Variants in RANBP2 observed in about 807,000 individuals in gnomAD.
RANBP2 encodes the protein E3 SUMO-protein ligase RanBP2.
A neutral mutation model predicts 303.6 loss-of-function variants in RANBP2; 57 were observed. The observed-to-expected ratio is 0.19, with a 90% confidence interval of 0.15 to 0.23. The LOEUF is 0.23. Ranked by LOEUF, RANBP2 falls within the 10% of genes least tolerant of loss-of-function variation. The pLI is 1.00. For missense variants in RANBP2, 3,138 were observed against 3,780.8 expected (o/e 0.83, Z 4.46); for synonymous variants, 1,167 against 1,301.5 (o/e 0.90, Z 2.23).
the RANBP2 span, among the ~76,000 whole-genome samples, chr2:109,701,155 C>T: frequency 7.2e-5 from 11 of 152,196 alleles, no homozygotes; most frequent in South Asian, 2.1e-4. Context: ...TGCAAGCACA[C>T]GAGCCCAAAC....
chr2:109,039,413 C>T, the RANBP2 span, among the ~76,000 whole-genome samples: 37 of 152,246 alleles, frequency 2.4e-4, no homozygotes, highest in African/African-American at 6.5e-4. Flanking sequence ...TGCAGCAGCG[C>T]GATCTCAGTT....
At chr2:109,094,427 A>G in the RANBP2 span, among the ~76,000 whole-genome samples, 2 of 152,146 alleles carry the variant, frequency 1.3e-5, no homozygotes, top group Non-Finnish European at 2.9e-5. Flanking sequence ...TGTTCCTCCA[A>G]GGGCTCCACC....
the RANBP2 span, among the ~76,000 whole-genome samples, chr2:109,068,652 A>G: frequency 2.6e-5 from 4 of 152,082 alleles, no homozygotes; most frequent in Non-Finnish European, 5.9e-5. Context: ...AACAGAGGGG[A>G]AGAGTGTTGG....
chr2:109,347,756 A>C, the RANBP2 span: 15 of 1,613,940 alleles, frequency 9.3e-6, no homozygotes, highest in Non-Finnish European at 1.3e-5. Flanking sequence ...AACAAGGGGG[A>C]CATCATCGTC....
chr2:109,247,561 G>A, the RANBP2 span, among the ~76,000 whole-genome samples: 606 of 152,332 alleles, frequency 4.0e-3, 5 homozygotes, highest in African/African-American at 0.014. Flanking sequence ...TTCCTGTGCA[G>A]AAACTCTTGC....
the RANBP2 span, among the ~76,000 whole-genome samples, chr2:109,423,861 C>T: frequency 6.6e-6 from 1 of 152,192 alleles, no homozygotes; most frequent in Non-Finnish European, 1.5e-5. Flanking sequence ...CCCCTGCCGC[C>T]TGCACCTCTA....
chr2:109,561,582 G>C, the RANBP2 span, among the ~76,000 whole-genome samples: 1 of 152,032 alleles, frequency 6.6e-6, no homozygotes, highest in Non-Finnish European at 1.5e-5. Context: ...CTTCTCCCTA[G>C]CTCCAGATTC....
At chr2:108,989,987 G>A in the RANBP2 span, among the ~76,000 whole-genome samples, 1 of 152,122 alleles carries the variant, frequency 6.6e-6, no homozygotes, top group South Asian at 2.1e-4. Flanking sequence ...ACTCACACAT[G>A]AGAAAGTAAG....
At chr2:109,608,266 A>G in the RANBP2 span, among the ~76,000 whole-genome samples, 2 of 152,214 alleles carry the variant, frequency 1.3e-5, no homozygotes, top group Non-Finnish European at 2.9e-5. Context: ...AGACTGGGAT[A>G]CAGTTTTCTC....
At chr2:108,833,894 A>ATTTT in the RANBP2 span, among the ~76,000 whole-genome samples, 582 of 79,176 alleles carry the variant, frequency 7.4e-3, 8 homozygotes, top group African/African-American at 0.028. Context: ...CGCCCGGCTA[A>ATTTT]TTTTTTTTTT....
the RANBP2 span, among the ~76,000 whole-genome samples, chr2:109,524,719 T>C: frequency 6.6e-6 from 1 of 151,840 alleles, no homozygotes; most frequent in Non-Finnish European, 1.5e-5. Context: ...CACTCCATCC[T>C]GGGTGACAGA....
the RANBP2 span, among the ~76,000 whole-genome samples, chr2:109,696,821 A>T: frequency 6.6e-6 from 1 of 152,124 alleles, no homozygotes; most frequent in African/African-American, 2.4e-5. Flanking sequence ...TCTGTCACTC[A>T]GGCTGGAGTA....
the RANBP2 span, among the ~76,000 whole-genome samples, chr2:108,795,796 A>G: frequency 6.6e-6 from 1 of 152,206 alleles, no homozygotes; most frequent in African/African-American, 2.4e-5. Flanking sequence ...CCAATTGTGC[A>G]TTTATTAGCC....
chr2:109,449,519 G>T, the RANBP2 span: 3 of 1,605,738 alleles, frequency 1.9e-6, no homozygotes, highest in Admixed American at 3.4e-5. Flanking sequence ...CGAGCCCTGG[G>T]CTCGAGGCCA....
At chr2:109,213,045 G>A in the RANBP2 span, among the ~76,000 whole-genome samples, 2 of 152,248 alleles carry the variant, frequency 1.3e-5, no homozygotes, top group Non-Finnish European at 2.9e-5. Flanking sequence ...CTGAGCAGGT[G>A]GAGGATGCAG....
the RANBP2 span, among the ~76,000 whole-genome samples, chr2:109,063,205 T>C: frequency 6.6e-6 from 1 of 152,168 alleles, no homozygotes; most frequent in African/African-American, 2.4e-5. Flanking sequence ...CTGGAGGTCT[T>C]CCAACTATGC....
At chr2:108,988,819 A>C in the RANBP2 span, 1 of 152,236 alleles carries the variant, frequency 6.6e-6, no homozygotes, top group African/African-American at 2.4e-5. Context: ...GACATACTGC[A>C]ATCGGTAAAG....
chr2:108,816,581 T>A, the RANBP2 span, among the ~76,000 whole-genome samples: 1 of 152,136 alleles, frequency 6.6e-6, no homozygotes, highest in Non-Finnish European at 1.5e-5. Flanking sequence ...CTGAGGTCTG[T>A]CTCCCTTTTA....
the RANBP2 span, among the ~76,000 whole-genome samples, chr2:109,106,201 A>G: frequency 6.6e-6 from 1 of 151,996 alleles, no homozygotes; most frequent in African/African-American, 2.4e-5. Flanking sequence ...TACTGCTCTA[A>G]AACTTGCTTC....
Sources: gnomAD v4.1 joint callset for allele counts (sites outside exome capture counted in the v4.1 genomes callset) on GRCh38, gnomAD v4.1.1 for gene constraint, MANE v1.5 for transcripts, NCBI Gene and HGNC (gene_info 2026-07-23, HGNC 2026-07-21) for gene names.